RIT2: variants seen among roughly 807,000 people sequenced by gnomAD.
The protein encoded by RIT2 is Ras like without CAAX 2, also known as GTP-binding protein Rit2.
RIT2 carries 24 observed loss-of-function variants against 23.7 expected under a neutral mutation model. That is an observed-to-expected ratio of 1.01 (90% CI 0.73 to 1.43). The LOEUF is 1.43. Ranked by LOEUF, RIT2 falls within the 40% of genes most tolerant of loss-of-function variation. The probability of loss-of-function intolerance (pLI) is 0.00; values close to 1 mark genes in which losing one functional copy is unlikely to be tolerated. For missense variants in RIT2, 236 were observed against 266.9 expected (o/e 0.88, Z 0.81); for synonymous variants, 107 against 91.1 (o/e 1.17, Z -0.99).
chr18:43,001,295 C>T (rs1213130624), intron 2 of RIT2, among the ~76,000 whole-genome samples: 1 of 151,662 alleles, frequency 6.6e-6, no homozygotes, highest in African/African-American at 2.4e-5. Context: ...TAAAGGGCTT[C>T]AATGTAGGCA....
At chr18:42,896,131 G>T (rs1028924567) in intron 4 of RIT2, among the ~76,000 whole-genome samples, 1 of 152,240 alleles carries the variant, frequency 6.6e-6, no homozygotes, top group African/African-American at 2.4e-5. Context: ...AGGCGTGGTG[G>T]CAAGCGCCTG....
At chr18:43,064,095 A>G (rs915252258) in intron 1 of RIT2, among the ~76,000 whole-genome samples, 1 of 152,214 alleles carries the variant, frequency 6.6e-6, no homozygotes, top group African/African-American at 2.4e-5. Context: ...TTTATTCAAT[A>G]AGGTCTGATA....
intron 4 of RIT2, among the ~76,000 whole-genome samples, chr18:42,862,626 G>T (rs1907359008): frequency 6.6e-6 from 1 of 152,138 alleles, no homozygotes; most frequent in Admixed American, 6.5e-5. Context: ...TTTCATATTT[G>T]TGAGTCCATT....
intron 4 of RIT2, among the ~76,000 whole-genome samples, chr18:42,877,321 G>A (rs1907768743): frequency 6.6e-6 from 1 of 151,454 alleles, no homozygotes; most frequent in Admixed American, 6.6e-5. Context: ...ATTTTCAGGT[G>A]ACTTTAAAAT....
At chr18:42,943,220 T>A (rs561293617) in intron 3 of RIT2, among the ~76,000 whole-genome samples, 3 of 152,226 alleles carry the variant, frequency 2.0e-5, no homozygotes, top group African/African-American at 7.2e-5. Context: ...TCCCTGCGAT[T>A]GGCTATTTTT....
intron 4 of RIT2, among the ~76,000 whole-genome samples, 192 bp from the exon 5 acceptor site, chr18:42,743,912 C>A (rs1912857007): frequency 6.6e-6 from 1 of 152,136 alleles, no homozygotes; most frequent in Non-Finnish European, 1.5e-5. Context: ...AAATGCCCTG[C>A]CCCGCCTTAA....
chr18:42,965,903 A>T (rs1338534495), intron 3 of RIT2, among the ~76,000 whole-genome samples: 1 of 151,794 alleles, frequency 6.6e-6, no homozygotes, highest in Non-Finnish European at 1.5e-5. Flanking sequence ...ACCTTCACAG[A>T]AACAGCTTTT....
At chr18:43,036,862 A>C (rs1247987126) in intron 1 of RIT2, among the ~76,000 whole-genome samples, 1 of 152,228 alleles carries the variant, frequency 6.6e-6, no homozygotes, top group Non-Finnish European at 1.5e-5. Flanking sequence ...TATAAAAAAC[A>C]ATTTTTGAAA....
chr18:42,928,549 G>C lies in RIT2; in HGVS notation c.235-4786C>G, dbSNP rs182430662. Among the ~76,000 whole-genome samples, 7 of 152,098 alleles carry C rather than the reference G, an allele frequency of 4.6e-5. No homozygotes were observed. The East Asian group carries it at 9.7e-4, about 21-fold the overall frequency. ...CCTTCAATAGTTGAGTTTTTGGAGGGTGGCATAGCACAGAATCATGTGATT... is the reference window on the plus strand; with the variant it reads ...CCTTCAATAGTTGAGTTTTTGGAGGCTGGCATAGCACAGAATCATGTGATT... On this transcript the variant is annotated intron_variant, in intron 3 of 4. Transcript: ENST00000326695.
At chr18:43,011,519 T>C (rs1444455383) in intron 2 of RIT2, among the ~76,000 whole-genome samples, 5 of 151,818 alleles carry the variant, frequency 3.3e-5, no homozygotes, top group Admixed American at 3.3e-4. Context: ...AAAGAAAAGT[T>C]TGGTACAGAA....
chr18:42,995,091 T>C (rs1327455289), intron 2 of RIT2, among the ~76,000 whole-genome samples: 7 of 152,180 alleles, frequency 4.6e-5, no homozygotes, highest in Admixed American at 2.6e-4. Flanking sequence ...ACTTAGTTTA[T>C]TGATGGCAGT....
intron 1 of RIT2, among the ~76,000 whole-genome samples, chr18:43,046,474 G>A (rs1249586895): frequency 1.3e-5 from 2 of 152,174 alleles, no homozygotes; most frequent in Non-Finnish European, 2.9e-5. Context: ...GCTCCACACA[G>A]TACCCTGAGA....
intron 4 of RIT2, among the ~76,000 whole-genome samples, chr18:42,814,393 G>A (rs1402979087): frequency 1.3e-5 from 2 of 152,150 alleles, no homozygotes; most frequent in Non-Finnish European, 2.9e-5. Flanking sequence ...CAGTGGAAGT[G>A]AGAACAGCCC....
intron 4 of RIT2, among the ~76,000 whole-genome samples, chr18:42,780,018 C>T (rs1366284513): frequency 7.9e-6 from 1 of 126,794 alleles, no homozygotes; most frequent in Non-Finnish European, 1.6e-5. Context: ...TATTAAAAAT[C>T]AAATGCCTAG....
At chr18:42,960,515 A>C (rs965045213) in intron 3 of RIT2, among the ~76,000 whole-genome samples, 2 of 152,092 alleles carry the variant, frequency 1.3e-5, no homozygotes, top group South Asian at 4.1e-4. Context: ...GGGTTTCACC[A>C]TGTTGGCCAG....
chr18:43,026,783 A>G (rs1020522565), intron 2 of RIT2, among the ~76,000 whole-genome samples: 2 of 151,878 alleles, frequency 1.3e-5, no homozygotes, highest in African/African-American at 4.8e-5. Flanking sequence ...AGCTAGAGAT[A>G]TAAGTATGAA....
In RIT2 at chr18:42,794,087, A is replaced by T. The variant is rs141445981; in HGVS notation, c.427-50367T>A. ...CTAGAGTATAAGAAAGAATGCGGTT[A>T]TCTCATAAGCATACATTCTATTTTC... is the stretch of plus-strand genomic sequence containing the variant. On this transcript the variant is annotated intron_variant, in intron 4 of 4. Coordinates refer to ENST00000326695, the MANE Select transcript of RIT2 (RefSeq NM_002930.4). 1.6e-4 allele frequency among the ~76,000 whole-genome samples: 25 copies of T among 152,230 alleles called. No individual in the cohort carries two copies. In the East Asian group the frequency reaches 4.1e-3, roughly 25 times the overall value.
Position 42,789,985 on chromosome 18 carries a change from G to A in RIT2, c.427-46265C>T, listed in dbSNP as rs564563388. Among the ~76,000 whole-genome samples the A allele has an allele frequency of 1.7e-4, 26 of 152,162 alleles. 1 individual carries two copies. Among genetic ancestry groups the A allele is most frequent in the Admixed American group, 8.5e-4 (13 of 15,280 alleles). On this transcript the variant is annotated intron_variant, in intron 4 of 4. Transcript: ENST00000326695. ...TATAATACACGACCCTTATTGTTTC[G>A]ATGTATATTCCTTCTATTCCTAGTT... is the stretch of plus-strand genomic sequence containing the variant.
At chr18:42,928,444 A>G (rs1909238104) in intron 3 of RIT2, among the ~76,000 whole-genome samples, 1 of 152,056 alleles carries the variant, frequency 6.6e-6, no homozygotes, top group African/African-American at 2.4e-5. Context: ...TCCAAAGATT[A>G]TGTATAGTCA....
Sources: gnomAD v4.1 joint callset for allele counts (sites outside exome capture counted in the v4.1 genomes callset) on GRCh38, gnomAD v4.1.1 for gene constraint, MANE v1.5 for transcripts, NCBI Gene and HGNC (gene_info 2026-07-23, HGNC 2026-07-21) for gene names.